The following COL4A1 variants were observed in gnomAD, a reference collection of about 807,000 sequenced individuals.
COL4A1 encodes the protein collagen type IV alpha 1 chain.
Under a neutral mutation model 216.6 loss-of-function variants are expected in COL4A1, and 40 were observed. The observed-to-expected ratio is 0.18, with a 90% CI of 0.14 to 0.24. COL4A1 has a LOEUF of 0.24. Ranked by LOEUF, COL4A1 falls within the 10% of genes least tolerant of loss-of-function variation. The pLI, the probability that COL4A1 is intolerant of heterozygous loss-of-function variation, is 1.00. For missense variants in COL4A1, 1,628 were observed against 2,196.8 expected (o/e 0.74, Z 5.18); for synonymous variants, 839 against 810.7 (o/e 1.03, Z -0.59).
chr13:110,155,322 G>C lies in COL4A1; in HGVS notation c.4716C>G (p.Ser1572Arg). ...SQTIQIPPCP[S>R]GWSSLWIGYS... ...AGCCGATCCACAGCGAGGACCACCC[G>C]CTGGGGCACGGTGGGATCTGAATGG... Residue 1572 changes from serine to arginine, a missense_variant, in exon 50 of 52, where the codon AGC (serine) becomes AGG (arginine). By Grantham distance (110) the Ser-to-Arg change is moderately radical (BLOSUM62 -1). Coordinates refer to ENST00000375820, the MANE Select transcript of COL4A1 (RefSeq NM_001845.6). 6.2e-7 allele frequency: 1 copy of C among 1,614,132 alleles called. No homozygotes were observed. The highest frequency in any genetic ancestry group is 8.5e-7 in the Non-Finnish European group (1 of 1,179,990).
chr13:110,250,436 C>G (rs558567236), intron 1 of COL4A1, among the ~76,000 whole-genome samples: 2 of 152,270 alleles, frequency 1.3e-5, no homozygotes, highest in East Asian at 1.9e-4. Flanking sequence ...GACTAAAGTT[C>G]TGGTCTCATT....
chr13:110,174,936 C>T lies in COL4A1; in HGVS notation c.3199-187G>A, dbSNP rs114436188. Among the ~76,000 whole-genome samples the T allele has an allele frequency of 1.9e-3, 295 of 152,316 alleles. 1 individual carries two copies. Among genetic ancestry groups the T allele is most frequent in the African/African-American group, 6.6e-3 (273 of 41,564 alleles). ...AGAGGAAAACTTAAGAGCAGTAGAG[C>T]CAACCATCTGGTTTCTACCTGCCAT... On this transcript the variant is annotated intron_variant, in intron 37 of 51. Coordinates refer to ENST00000375820, the MANE Select transcript of COL4A1 (RefSeq NM_001845.6).
At chr13:110,241,460 A>G (rs1361726280) in intron 2 of COL4A1, among the ~76,000 whole-genome samples, 2 of 152,218 alleles carry the variant, frequency 1.3e-5, no homozygotes, top group South Asian at 2.1e-4. Context: ...GAGTTTGGTG[A>G]ACTCACTTGT....
At chr13:110,196,374 C>CA (rs1878890301) in intron 21 of COL4A1, among the ~76,000 whole-genome samples, 1 of 152,140 alleles carries the variant, frequency 6.6e-6, no homozygotes, top group Non-Finnish European at 1.5e-5. Flanking sequence ...AAGTGGACTC[C>CA]ATGTTTATGC....
At chr13:110,166,373 T>C (rs1366671351) in intron 44 of COL4A1, 70 bp from the exon 45 acceptor site, 2 of 971,008 alleles carry the variant, frequency 2.1e-6, no homozygotes, top group African/African-American at 3.2e-5. Context: ...TGTGTATATA[T>C]CTCTCTCTAG....
intron 42 of COL4A1, 137 bp from the exon 43 acceptor site, chr13:110,169,899 A>C: frequency 9.0e-7 from 1 of 1,109,768 alleles, no homozygotes; most frequent in Non-Finnish European, 1.3e-6. Context: ...CTTGAGACAG[A>C]AATCGAGGCA....
chr13:110,304,773 C>T (rs1225492108), intron 1 of COL4A1, among the ~76,000 whole-genome samples: 1 of 152,184 alleles, frequency 6.6e-6, no homozygotes, highest in Non-Finnish European at 1.5e-5. Context: ...ACAATAAGGG[C>T]AATTCATGCC....
At chr13:110,289,305 T>C (rs1445771841) in intron 1 of COL4A1, among the ~76,000 whole-genome samples, 2 of 152,068 alleles carry the variant, frequency 1.3e-5, no homozygotes, top group African/African-American at 4.8e-5. Flanking sequence ...CGGGGTGCCA[T>C]CCACTGCCGC....
At chr13:110,175,880 A>G (rs1877859983) in intron 36 of COL4A1, among the ~76,000 whole-genome samples, 2 of 152,226 alleles carry the variant, frequency 1.3e-5, no homozygotes, top group African/African-American at 2.4e-5. Flanking sequence ...GAGGAGATGG[A>G]AAGATGGGCT....
At chr13:110,301,072 G>A (rs183447652) in intron 1 of COL4A1, among the ~76,000 whole-genome samples, 2 of 152,280 alleles carry the variant, frequency 1.3e-5, no homozygotes. Flanking sequence ...GTTCAGCAGT[G>A]TACATATTTC....
intron 1 of COL4A1, among the ~76,000 whole-genome samples, chr13:110,250,627 AGTAT>A (rs1313045604): frequency 6.6e-6 from 1 of 152,120 alleles, no homozygotes; most frequent in Admixed American, 6.5e-5. Context: ...AGCAGATGTG[AGTAT>A]GATTAGTTGC....
At chr13:110,301,605 A>G (rs1252184322) in intron 1 of COL4A1, among the ~76,000 whole-genome samples, 4 of 152,194 alleles carry the variant, frequency 2.6e-5, no homozygotes, top group Non-Finnish European at 5.9e-5. Context: ...ATAGTCAACA[A>G]TATTTCACAT....
intron 49 of COL4A1, among the ~76,000 whole-genome samples, chr13:110,157,096 A>C (rs1271042524): frequency 1.1e-4 from 16 of 152,172 alleles, no homozygotes; most frequent in Admixed American, 1.0e-3. Flanking sequence ...GTCCTGCCCC[A>C]TTGCAGGCTT....
intron 40 of COL4A1, 42 bp downstream of exon 40, chr13:110,173,858 G>C (rs749140767): frequency 6.2e-7 from 1 of 1,610,348 alleles, no homozygotes; most frequent in Non-Finnish European, 8.5e-7. Context: ...TCTGGGAGTG[G>C]ACACTGCTGA....
chr13:110,283,247 G>C (rs1451116131), intron 1 of COL4A1, among the ~76,000 whole-genome samples: 1 of 152,188 alleles, frequency 6.6e-6, no homozygotes, highest in African/African-American at 2.4e-5. Flanking sequence ...AGAGATTTCA[G>C]GAAAAGAGAG....
At chr13:110,203,759 T>C in intron 17 of COL4A1, 152 bp from the exon 18 acceptor site, 2 of 819,734 alleles carry the variant, frequency 2.4e-6, no homozygotes, top group African/African-American at 1.7e-5. Flanking sequence ...TCTGTGACGA[T>C]TACAACAAAA....
At chr13:110,164,750 G>A in intron 46 of COL4A1, 112 bp downstream of exon 46, 2 of 1,441,114 alleles carry the variant, frequency 1.4e-6, no homozygotes, top group Non-Finnish European at 1.9e-6. Context: ...ATTCATATGT[G>A]TGTGTATAAT....
intron 2 of COL4A1, among the ~76,000 whole-genome samples, chr13:110,238,966 C>G (rs1881442707): frequency 6.6e-6 from 1 of 152,152 alleles, no homozygotes. Flanking sequence ...AAGCAGACAG[C>G]ATTCCCACAC....
rs571979103 is a variant in COL4A1, at chr13:110,288,271, A to T, written c.84+18673T>A. Among the ~76,000 whole-genome samples the T allele has an allele frequency of 7.7e-3, 1,034 of 134,744 alleles. 2 individuals carry two copies. The highest frequency in any genetic ancestry group is 0.055 in the Middle Eastern group (14 of 254). 88.4% of individuals were successfully genotyped at this position (134,744 alleles called of 152,430 possible). A position where few individuals can be genotyped will look rare whatever the true frequency, so the allele number is the denominator to read the frequency against. On this transcript the variant is annotated intron_variant, in intron 1 of 51. Transcript: ENST00000375820. ...GAGCGAAACTCCCTCTCAAAAAAAA[A>T]AAAAATAATAATAATAATAATAATA...
Sources: gnomAD v4.1 joint callset for allele counts (sites outside exome capture counted in the v4.1 genomes callset) on GRCh38, gnomAD v4.1.1 for gene constraint, MANE v1.5 for transcripts, NCBI Gene and HGNC (gene_info 2026-07-23, HGNC 2026-07-21) for gene names.